LRRC7: variants seen among roughly 807,000 people sequenced by gnomAD.
LRRC7 encodes the protein leucine-rich repeat-containing protein 7.
In LRRC7, 23 loss-of-function variants were observed where a neutral mutation model predicts 175.7. The ratio of observed to expected loss-of-function variants is 0.13; its 90% CI spans 0.09 to 0.19. The LOEUF (loss-of-function observed/expected upper bound fraction) is 0.19, where lower values mean the gene tolerates loss of function less well. LRRC7 is among the 10% of genes least tolerant of loss of function. The pLI, the probability that LRRC7 is intolerant of heterozygous loss-of-function variation, is 1.00. For missense variants in LRRC7, 1,354 were observed against 1,904.7 expected, an observed-to-expected ratio of 0.71 and a Z score of 5.38; for synonymous variants, 685 against 680.9, an observed-to-expected ratio of 1.01 and a Z score of -0.09.
chr1:69,897,921 A>G (rs1308667640), intron 7 of LRRC7, among the ~76,000 whole-genome samples: 1 of 152,192 alleles, frequency 6.6e-6, no homozygotes, highest in African/African-American at 2.4e-5. Context: ...GCATTTTGTC[A>G]CTTGCATTTT....
At chr1:70,056,654 C>G (rs928115649) in intron 23 of LRRC7, among the ~76,000 whole-genome samples, 1 of 152,140 alleles carries the variant, frequency 6.6e-6, no homozygotes, top group Non-Finnish European at 1.5e-5. Context: ...CAAAACCTTT[C>G]TTCCCTGAGT....
At chr1:69,602,733 G>A (rs1341531353) in intron 1 of LRRC7, among the ~76,000 whole-genome samples, 3 of 152,052 alleles carry the variant, frequency 2.0e-5, no homozygotes, top group African/African-American at 4.8e-5. Context: ...TTGGTGGCTC[G>A]AGAATCATTG....
intron 2 of LRRC7, among the ~76,000 whole-genome samples, chr1:69,718,601 A>G (rs936433354): frequency 6.6e-6 from 1 of 151,830 alleles, no homozygotes; most frequent in Non-Finnish European, 1.5e-5. Context: ...CCAGAATTTT[A>G]TCAGGCAAAA....
chr1:69,623,889 T>C (rs771308060), intron 1 of LRRC7, among the ~76,000 whole-genome samples: 1 of 152,190 alleles, frequency 6.6e-6, no homozygotes, highest in Admixed American at 6.5e-5. Flanking sequence ...GTATAGCTTC[T>C]ATTGTTTGGC....
chr1:69,660,354 T>G (rs965362987), intron 1 of LRRC7, among the ~76,000 whole-genome samples: 23 of 152,114 alleles, frequency 1.5e-4, no homozygotes, highest in African/African-American at 5.5e-4. Context: ...TTGGGGGCAG[T>G]GTTTATGCTT....
intron 3 of LRRC7, among the ~76,000 whole-genome samples, chr1:69,764,339 A>G (rs988181067): frequency 2.6e-5 from 4 of 151,944 alleles, no homozygotes; most frequent in Non-Finnish European, 5.9e-5. Context: ...AAAAACTGCC[A>G]AAAAAACTTC....
At chr1:69,804,165 T>A (rs576405734) in intron 4 of LRRC7, among the ~76,000 whole-genome samples, 53 of 151,542 alleles carry the variant, frequency 3.5e-4, no homozygotes, top group African/African-American at 1.3e-3. Context: ...CTACATGGTT[T>A]TGATGATACT....
At chr1:69,987,430 T>G (rs930781419) in intron 10 of LRRC7, among the ~76,000 whole-genome samples, 32 of 152,326 alleles carry the variant, frequency 2.1e-4, no homozygotes, top group African/African-American at 7.2e-4. Context: ...AGATGTGTTA[T>G]ATGTTCTGGA....
At chr1:69,919,669 C>T (rs953959909) in intron 7 of LRRC7, 41 of 948,720 alleles carry the variant, frequency 4.3e-5, no homozygotes, top group Non-Finnish European at 4.8e-5. Context: ...AGTCTCCGGC[C>T]TCACAATTCA....
chr1:69,651,924 C>T (rs916483214), intron 1 of LRRC7, among the ~76,000 whole-genome samples: 6 of 151,968 alleles, frequency 3.9e-5, no homozygotes, highest in African/African-American at 7.2e-5. Context: ...AAGAGGAGGG[C>T]ATGGCTTGGT....
At chr1:69,788,331 A>G (rs1557730248) in intron 3 of LRRC7, among the ~76,000 whole-genome samples, 1 of 152,212 alleles carries the variant, frequency 6.6e-6, no homozygotes, top group Non-Finnish European at 1.5e-5. Flanking sequence ...CATTTTATAC[A>G]ATAAAGCAGT....
chr1:70,081,576 G>C (rs1341818193), intron 24 of LRRC7, among the ~76,000 whole-genome samples: 1 of 152,206 alleles, frequency 6.6e-6, no homozygotes, highest in Non-Finnish European at 1.5e-5. Flanking sequence ...TTAGAACCCA[G>C]TCTCATGAGT....
intron 1 of LRRC7, among the ~76,000 whole-genome samples, chr1:69,610,626 T>C (rs1005354930): frequency 6.6e-6 from 1 of 152,060 alleles, no homozygotes; most frequent in African/African-American, 2.4e-5. Flanking sequence ...TAAATATTTT[T>C]GTTGTATTTT....
chr1:69,872,687 A>T (rs972389760), intron 7 of LRRC7, among the ~76,000 whole-genome samples: 1 of 152,106 alleles, frequency 6.6e-6, no homozygotes, highest in Non-Finnish European at 1.5e-5. Flanking sequence ...TCATTAAAAC[A>T]TGGAGATGCC....
intron 1 of LRRC7, among the ~76,000 whole-genome samples, chr1:69,605,395 C>A (rs1233505652): frequency 1.3e-5 from 2 of 152,174 alleles, no homozygotes; most frequent in African/African-American, 4.8e-5. Flanking sequence ...AGCATGAGAG[C>A]AGACTAATAG....
chr1:69,625,776 C>CT (rs947189261), intron 1 of LRRC7, among the ~76,000 whole-genome samples: 2 of 151,970 alleles, frequency 1.3e-5, no homozygotes, highest in Non-Finnish European at 2.9e-5. Context: ...GTTTAGAATA[C>CT]TTTTTTCTGA....
intron 25 of LRRC7, among the ~76,000 whole-genome samples, chr1:70,102,453 TAG>T (rs1664866126): frequency 6.6e-6 from 1 of 152,230 alleles, no homozygotes; most frequent in African/African-American, 2.4e-5. Context: ...AAATGTGGTA[TAG>T]TTGGAGACTC....
At chr1:69,724,533 T>A (rs1666726819) in intron 2 of LRRC7, among the ~76,000 whole-genome samples, 1 of 152,196 alleles carries the variant, frequency 6.6e-6, no homozygotes, top group Non-Finnish European at 1.5e-5. Context: ...TTGGACAAAT[T>A]TATTTTTGAA....
chr1:69,759,529 A>G (rs538493025), intron 2 of LRRC7, among the ~76,000 whole-genome samples: 35 of 152,130 alleles, frequency 2.3e-4, no homozygotes, highest in African/African-American at 8.4e-4. Context: ...ATCCCATATT[A>G]CAAGGTTCGT....
Sources: gnomAD v4.1 joint callset for allele counts (sites outside exome capture counted in the v4.1 genomes callset) on GRCh38, gnomAD v4.1.1 for gene constraint, MANE v1.5 for transcripts, NCBI Gene and HGNC (gene_info 2026-07-23, HGNC 2026-07-21) for gene names.